Variants in ZBTB8B observed in about 807,000 individuals in gnomAD.
The protein encoded by ZBTB8B is zinc finger and BTB domain-containing protein 8B.
In ZBTB8B, 17 loss-of-function variants were observed where a neutral mutation model predicts 30.3. The ratio of observed to expected loss-of-function variants is 0.56; its 90% CI spans 0.38 to 0.84. ZBTB8B has a LOEUF of 0.84. Among genes scored for constraint, ZBTB8B ranks in the 40% least tolerant of loss-of-function variants. ZBTB8B has a pLI of 0.00. For missense variants in ZBTB8B, 515 were observed against 644.9 expected (o/e 0.80, Z 2.18); for synonymous variants, 248 against 255.6 (o/e 0.97, Z 0.28).
At position 32,485,727 on chromosome 1, in the gene ZBTB8B, T is replaced by C. The variant is rs1367098843; in HGVS notation, c.*309T>C. The C allele has an allele frequency of 3.3e-6, 1 of 302,578 alleles. No homozygotes were observed. Among genetic ancestry groups the C allele is most frequent in the African/African-American group, 2.2e-5 (1 of 46,364 alleles). 18.7% of individuals were successfully genotyped at this position (302,578 alleles called of 1,614,324 possible). On this transcript the variant is annotated 3_prime_UTR_variant, in exon 4 of 4. Transcript: ENST00000609129. ...GTCCAAACTCTGGTTAGGAGAAAGA[T>C]AAGAAAATCTCCAGGCTTGTTTTTA...
intron 2 of ZBTB8B, among the ~76,000 whole-genome samples, chr1:32,479,571 A>G (rs1183989300): frequency 6.6e-6 from 1 of 152,200 alleles, no homozygotes; most frequent in East Asian, 1.9e-4. Flanking sequence ...ATCTCGGAAT[A>G]TAGTTGACCC....
chr1:32,472,158 T>C (rs1312896871), intron 2 of ZBTB8B, among the ~76,000 whole-genome samples: 2 of 152,212 alleles, frequency 1.3e-5, no homozygotes, highest in East Asian at 3.8e-4. Flanking sequence ...TATGCATTAA[T>C]TGAGCACCTG....
At position 32,487,083 on chromosome 1, in the gene ZBTB8B, T is replaced by C. The variant is rs947857169; in HGVS notation, c.*1665T>C. Reference sequence around the variant, plus strand: ...AAAATGGATTTTAAAAGAAATCTTCTTGTCTTCCTTTAAGTGTAGTTGTCT... The same window carrying C: ...AAAATGGATTTTAAAAGAAATCTTCCTGTCTTCCTTTAAGTGTAGTTGTCT... On this transcript the variant is annotated 3_prime_UTR_variant, in exon 4 of 4. Transcript: ENST00000609129. 2 of 152,240 alleles carry C rather than the reference T, an allele frequency of 1.3e-5. No homozygotes were observed. Among genetic ancestry groups the C allele is most frequent in the African/African-American group, 4.8e-5 (2 of 41,464 alleles). The allele number at this position is 152,240 out of a possible 1,614,324, so 9.4% of individuals were successfully genotyped here. A position where few individuals can be genotyped will look rare whatever the true frequency, so the allele number is the denominator to read the frequency against.
chr1:32,472,438 G>A lies in ZBTB8B; in HGVS notation c.991+823G>A, dbSNP rs568403011. On this transcript the variant is annotated intron_variant, in intron 2 of 3. Coordinates refer to ENST00000609129, the MANE Select transcript of ZBTB8B (RefSeq NM_001145720.2). ...GAACTTTTTCTCACATATCATCTTAGATTTCCTCTATGCTGGGAGGTCAGT... is the reference window on the plus strand; with the variant it reads ...GAACTTTTTCTCACATATCATCTTAAATTTCCTCTATGCTGGGAGGTCAGT... Among the ~76,000 whole-genome samples, 3 of 152,304 alleles carry A rather than the reference G, an allele frequency of 2.0e-5. No homozygotes were observed. The South Asian group carries it at 6.2e-4, about 32-fold the overall frequency.
In ZBTB8B at chr1:32,490,198, C is replaced by A. The variant is rs758117738; in HGVS notation, c.*4780C>A. On this transcript the variant is annotated 3_prime_UTR_variant, in exon 4 of 4. Transcript: ENST00000609129. The stretch of plus-strand genomic sequence containing the variant: ...ATTAAGAGAATGATCTCTGTGAAGT[C>A]TAGTGTAATGGGGTAGGGAGGGGCA... 12 of 152,096 alleles carry A rather than the reference C, an allele frequency of 7.9e-5. No homozygotes were observed. Among genetic ancestry groups the A allele is most frequent in the Non-Finnish European group, 1.2e-4 (8 of 68,046 alleles). 9.4% of individuals were successfully genotyped at this position (152,096 alleles called of 1,614,324 possible).
At position 32,490,928 on chromosome 1, in the gene ZBTB8B, T is replaced by C. The variant is rs548853186; in HGVS notation, c.*5510T>C. The C allele has an allele frequency of 6.6e-6, 1 of 152,334 alleles. No homozygotes were observed. Among genetic ancestry groups the C allele is most frequent in the African/African-American group, 2.4e-5 (1 of 41,566 alleles). The allele number at this position is 152,334 out of a possible 1,614,324, so 9.4% of individuals were successfully genotyped here. Reference sequence around the variant, plus strand: ...TTTTAAAAGGTGACAGTAACTCACATGACTGCATGATCGGATGACATGGAA... The same window carrying C: ...TTTTAAAAGGTGACAGTAACTCACACGACTGCATGATCGGATGACATGGAA... On this transcript the variant is annotated 3_prime_UTR_variant, in exon 4 of 4. Coordinates refer to ENST00000609129, the MANE Select transcript of ZBTB8B (RefSeq NM_001145720.2).
At chr1:32,483,665 G>A (rs1643723998) in intron 3 of ZBTB8B, among the ~76,000 whole-genome samples, 1 of 151,746 alleles carries the variant, frequency 6.6e-6, no homozygotes, top group African/African-American at 2.4e-5. Flanking sequence ...TGCATGTTGT[G>A]CACATGTACC....
rs1643756655 is a variant in ZBTB8B, at chr1:32,487,898, T to C, written c.*2480T>C. The C allele has an allele frequency of 6.6e-6, 1 of 151,938 alleles. No homozygotes were observed. Among genetic ancestry groups the C allele is most frequent in the Non-Finnish European group, 1.5e-5 (1 of 67,980 alleles). 9.4% of individuals were successfully genotyped at this position (151,938 alleles called of 1,614,324 possible). ...AATATTCTAGATCAAGAGTTACTCA[T>C]TGAAAATTATCAGGGACCAGAGATA... On this transcript the variant is annotated 3_prime_UTR_variant, in exon 4 of 4. Transcript: ENST00000609129.
chr1:32,472,030 G>A (rs1372042929), intron 2 of ZBTB8B, among the ~76,000 whole-genome samples: 1 of 141,166 alleles, frequency 7.1e-6, no homozygotes, highest in African/African-American at 2.7e-5. Context: ...ATCATCACCA[G>A]TACCATCATC....
rs1357892255 is a variant in ZBTB8B at position 32,490,544 on chromosome 1, G to C, written c.*5126G>C. On this transcript the variant is annotated 3_prime_UTR_variant, in exon 4 of 4. Coordinates refer to ENST00000609129, the MANE Select transcript of ZBTB8B (RefSeq NM_001145720.2). ...AAGTGTTTTGGGGTCAGAGTAGTTT[G>C]GTTGGTTCCTAAACATGTCCTAGTT... The C allele has an allele frequency of 6.6e-6, 1 of 152,142 alleles. No individual in the cohort carries two copies. Among genetic ancestry groups the C allele is most frequent in the Non-Finnish European group, 1.5e-5 (1 of 68,020 alleles). 9.4% of individuals were successfully genotyped at this position (152,142 alleles called of 1,614,324 possible). A position where few individuals can be genotyped will look rare whatever the true frequency, so the allele number is the denominator to read the frequency against.
rs1643818204 is a variant in ZBTB8B, at chr1:32,496,490, A to G, written c.*11072A>G. ...AGTTGGAAATCATCTTGACCATTAA[A>G]AAAATAGCAACTGATACCTTGTTTA... On this transcript the variant is annotated 3_prime_UTR_variant, in exon 4 of 4. Coordinates refer to ENST00000609129, the MANE Select transcript of ZBTB8B (RefSeq NM_001145720.2). 1.3e-5 allele frequency: 2 copies of G among 152,248 alleles called. No homozygotes were observed. Among genetic ancestry groups the G allele is most frequent in the South Asian group, 4.1e-4 (2 of 4,836 alleles). The allele number at this position is 152,248 out of a possible 1,614,324, so 9.4% of individuals were successfully genotyped here. A position where few individuals can be genotyped will look rare whatever the true frequency, so the allele number is the denominator to read the frequency against.
rs1363812609 is a variant in ZBTB8B, at chr1:32,496,242, A to G, written c.*10824A>G. ...AAAGAAGACTGACTACTGTCTGATG[A>G]ATGGGTAATTGATGATGCAATGTAT... is the stretch of plus-strand genomic sequence containing the variant. On this transcript the variant is annotated 3_prime_UTR_variant, in exon 4 of 4. Transcript: ENST00000609129. The G allele has an allele frequency of 6.6e-6, 1 of 152,218 alleles. No homozygotes were observed. Among genetic ancestry groups the G allele is most frequent in the African/African-American group, 2.4e-5 (1 of 41,458 alleles). 9.4% of individuals were successfully genotyped at this position (152,218 alleles called of 1,614,324 possible). A position where few individuals can be genotyped will look rare whatever the true frequency, so the allele number is the denominator to read the frequency against.
At position 32,473,289 on chromosome 1, in the gene ZBTB8B, G is replaced by C. The variant is rs560253743; in HGVS notation, c.991+1674G>C. Among the ~76,000 whole-genome samples, 16 of 151,166 alleles carry C rather than the reference G, an allele frequency of 1.1e-4. No homozygotes were observed. The South Asian group carries it at 3.3e-3, about 31-fold the overall frequency. On this transcript the variant is annotated intron_variant, in intron 2 of 3. Transcript: ENST00000609129. Reference sequence around the variant, plus strand: ...CCACCACACTCCAGCCTGGGTGACAGAGCGAGACTACTTCTCAAAAAAAAA... The same window carrying C: ...CCACCACACTCCAGCCTGGGTGACACAGCGAGACTACTTCTCAAAAAAAAA...
chr1:32,485,019 C>T, intron 3 of ZBTB8B, 82 bp from the exon 4 acceptor site: 1 of 1,368,084 alleles, frequency 7.3e-7, no homozygotes, highest in African/African-American at 1.4e-5. Flanking sequence ...GAGGATCAGG[C>T]AGGGGCCAGA....
intron 2 of ZBTB8B, among the ~76,000 whole-genome samples, chr1:32,477,449 T>C (rs995533430): frequency 2.6e-5 from 4 of 152,352 alleles, no homozygotes; most frequent in African/African-American, 9.6e-5. Context: ...CAAGGACTTA[T>C]GCTGGGCCTA....
intron 2 of ZBTB8B, among the ~76,000 whole-genome samples, chr1:32,479,983 T>C (rs1557682864): frequency 6.6e-6 from 1 of 152,208 alleles, no homozygotes; most frequent in Non-Finnish European, 1.5e-5. Flanking sequence ...TTAGAAAATA[T>C]TCTTAGGAAC....
intron 3 of ZBTB8B, among the ~76,000 whole-genome samples, chr1:32,481,837 T>G (rs1643707678): frequency 6.6e-6 from 1 of 152,198 alleles, no homozygotes; most frequent in Non-Finnish European, 1.5e-5. Flanking sequence ...TAGCTCCCAC[T>G]TATAAGTGAG....
rs1386774213 is a variant in ZBTB8B, at chr1:32,485,803, A to C, written c.*385A>C. On this transcript the variant is annotated 3_prime_UTR_variant, in exon 4 of 4. Coordinates refer to ENST00000609129, the MANE Select transcript of ZBTB8B (RefSeq NM_001145720.2). ...TTGTTATCATCCTCTTTCTCTAAAA[A>C]CCATTAAGTTTTGGGATCAAGTTTA... is the stretch of plus-strand genomic sequence containing the variant. The C allele has an allele frequency of 6.2e-5, 11 of 176,030 alleles. No individual in the cohort carries two copies. The highest frequency in any genetic ancestry group is 3.3e-4 in the Admixed American group (6 of 18,226). 10.9% of individuals were successfully genotyped at this position (176,030 alleles called of 1,614,324 possible). A position where few individuals can be genotyped will look rare whatever the true frequency, so the allele number is the denominator to read the frequency against.
At position 32,494,812 on chromosome 1, in the gene ZBTB8B, T is replaced by C. The variant is rs1247488062; in HGVS notation, c.*9394T>C. The C allele has an allele frequency of 6.6e-6, 1 of 152,182 alleles. No homozygotes were observed. The highest frequency in any genetic ancestry group is 6.5e-5 in the Admixed American group (1 of 15,276). 9.4% of individuals were successfully genotyped at this position (152,182 alleles called of 1,614,324 possible). A position where few individuals can be genotyped will look rare whatever the true frequency, so the allele number is the denominator to read the frequency against. On this transcript the variant is annotated 3_prime_UTR_variant, in exon 4 of 4. Transcript: ENST00000609129. Reference sequence around the variant, plus strand: ...CTCGCTGATTTTTTTCCTTCTTTCTTTTTTGAGACAGAGTTCCACTCTGTC... The same window carrying C: ...CTCGCTGATTTTTTTCCTTCTTTCTCTTTTGAGACAGAGTTCCACTCTGTC...
Sources: allele counts gnomAD v4.1 joint callset (sites outside exome capture counted in the v4.1 genomes callset), GRCh38; gene constraint gnomAD v4.1.1; transcripts MANE v1.5; gene names NCBI Gene and HGNC (gene_info 2026-07-23, HGNC 2026-07-21).